NLGN1: variants seen among roughly 807,000 people sequenced by gnomAD.
NLGN1 encodes neuroligin 1.
In NLGN1, 12 loss-of-function variants were observed where a neutral mutation model predicts 65.5. The observed-to-expected ratio is 0.18, with a 90% CI of 0.12 to 0.30. The LOEUF is 0.30. Among genes scored for constraint, NLGN1 ranks in the 10% least tolerant of loss-of-function variants. The pLI is 1.00. For synonymous variants in NLGN1, 350 were observed against 359.5 expected (o/e 0.97, Z 0.30); for missense variants, 750 against 1,007.1 (o/e 0.74, Z 3.46).
At chr3:174,246,677 C>T (rs1743846508) in intron 4 of NLGN1, among the ~76,000 whole-genome samples, 1 of 152,178 alleles carries the variant, frequency 6.6e-6, no homozygotes, top group African/African-American at 2.4e-5. Flanking sequence ...CTTCAGCCTC[C>T]CAAAGCGTTG....
chr3:174,043,030 T>TGGCAGGAGAGAAAAATGAGTGCC (rs1376795794), intron 4 of NLGN1, among the ~76,000 whole-genome samples: 2 of 152,184 alleles, frequency 1.3e-5, no homozygotes, highest in African/African-American at 4.8e-5. Flanking sequence ...CGTCACAGGA[T>TGGCAGGAGAGAAAAATGAGTGCC]GGCAGGAGAG....
At chr3:174,103,764 T>C (rs2152584319) in intron 4 of NLGN1, among the ~76,000 whole-genome samples, 1 of 152,262 alleles carries the variant, frequency 6.6e-6, no homozygotes, top group Admixed American at 6.5e-5. Context: ...ATATAGTTTT[T>C]ACTGTATGAC....
At chr3:174,134,453 A>C (rs948103911) in intron 4 of NLGN1, among the ~76,000 whole-genome samples, 1 of 152,332 alleles carries the variant, frequency 6.6e-6, no homozygotes, top group Non-Finnish European at 1.5e-5. Context: ...AATTTAAATT[A>C]TATCTGCATT....
At chr3:174,161,681 G>T (rs192081149) in intron 4 of NLGN1, among the ~76,000 whole-genome samples, 1 of 152,020 alleles carries the variant, frequency 6.6e-6, no homozygotes, top group East Asian at 1.9e-4. Flanking sequence ...TCAACAGGAA[G>T]CAGGTAGCAA....
At chr3:173,932,355 G>A (rs765713988) in intron 4 of NLGN1, among the ~76,000 whole-genome samples, 3 of 151,868 alleles carry the variant, frequency 2.0e-5, no homozygotes, top group East Asian at 1.9e-4. Flanking sequence ...CTTTCATATC[G>A]TGTTATCACT....
intron 4 of NLGN1, among the ~76,000 whole-genome samples, chr3:173,985,026 A>G (rs1372822450): frequency 6.6e-6 from 1 of 152,154 alleles, no homozygotes; most frequent in East Asian, 1.9e-4. Flanking sequence ...TGGGCAATAG[A>G]GGGAGACTGT....
Position 173,433,715 on chromosome 3 carries a change from C to G in NLGN1, c.-389-1295C>G, listed in dbSNP as rs1577434228. ...ATTTATAAGCGACCAAGCTCTTGAT[C>G]ATTTTGCTCCCTCCTTATATCTATT... On this transcript the variant is annotated intron_variant, in intron 1 of 6. Coordinates refer to ENST00000457714, the Ensembl canonical transcript of NLGN1. 1.3e-5 allele frequency among the ~76,000 whole-genome samples: 2 copies of G among 152,046 alleles called. 1 individual carries two copies. The highest frequency in any genetic ancestry group is 4.1e-4 in the South Asian group (2 of 4,826).
intron 2 of NLGN1, among the ~76,000 whole-genome samples, chr3:173,449,493 A>T (rs1577530223): frequency 1.3e-5 from 2 of 152,268 alleles, no homozygotes; most frequent in South Asian, 4.1e-4. Flanking sequence ...CTATGTGGTC[A>T]ATTTTGTAAT....
chr3:174,194,786 T>TAAAAAAAAAA (rs548336247), intron 4 of NLGN1, among the ~76,000 whole-genome samples: 1 of 104,640 alleles, frequency 9.6e-6, no homozygotes, highest in African/African-American at 3.3e-5. Flanking sequence ...ACCTATTCAC[T>TAAAAAAAAAA]AAAAAAAAAA....
chr3:173,529,063 C>T (rs1367636116), intron 2 of NLGN1, among the ~76,000 whole-genome samples: 1 of 152,178 alleles, frequency 6.6e-6, no homozygotes, highest in African/African-American at 2.4e-5. Flanking sequence ...GGGAAGCTGA[C>T]ACTTCTTGCT....
intron 4 of NLGN1, among the ~76,000 whole-genome samples, chr3:174,240,738 G>A (rs1396547912): frequency 1.3e-5 from 2 of 152,112 alleles, no homozygotes; most frequent in Non-Finnish European, 2.9e-5. Context: ...AGAATATATA[G>A]CACCCCTGAA....
At chr3:174,069,540 G>A (rs1410751880) in intron 4 of NLGN1, among the ~76,000 whole-genome samples, 1 of 152,172 alleles carries the variant, frequency 6.6e-6, no homozygotes. Context: ...ATAAACCTAT[G>A]TTATCAAAAC....
At chr3:174,128,674 C>T (rs573786085) in intron 4 of NLGN1, among the ~76,000 whole-genome samples, 1 of 152,202 alleles carries the variant, frequency 6.6e-6, no homozygotes, top group East Asian at 1.9e-4. Flanking sequence ...GTGCTTTTAC[C>T]TTCTCAGTTG....
At position 173,770,487 on chromosome 3, in the gene NLGN1, G is replaced by A. The variant is rs1560333856; in HGVS notation, c.494-37193G>A. ...CATATGGATACTTAATTACTTTGTT[G>A]CTACCCCCTGATATTTTGCTTCTCT... is the stretch of plus-strand genomic sequence containing the variant. On this transcript the variant is annotated intron_variant, in intron 3 of 6. Coordinates refer to ENST00000457714, the Ensembl canonical transcript of NLGN1. Among the ~76,000 whole-genome samples, 15 of 152,200 alleles carry A rather than the reference G, an allele frequency of 9.9e-5. No homozygotes were observed. In the South Asian group the frequency reaches 3.1e-3, roughly 32 times the overall value.
intron 2 of NLGN1, among the ~76,000 whole-genome samples, chr3:173,435,740 C>T (rs517107): frequency 0.64 from 96,882 of 151,402 alleles, 31,485 homozygotes; most frequent in East Asian, 0.94. Flanking sequence ...GAGGCTGAGG[C>T]GGGAGAATTG....
chr3:173,444,895 A>G (rs932732405), intron 2 of NLGN1, among the ~76,000 whole-genome samples: 6 of 151,998 alleles, frequency 3.9e-5, no homozygotes, highest in Non-Finnish European at 7.4e-5. Context: ...GCCCTTTAAC[A>G]TTACAGAAAA....
chr3:173,600,664 C>G (rs1161828010), intron 2 of NLGN1, among the ~76,000 whole-genome samples: 1 of 137,554 alleles, frequency 7.3e-6, no homozygotes, highest in African/African-American at 2.6e-5. Flanking sequence ...AGGCCCTGCT[C>G]CCACATTCAT....
intron 1 of NLGN1, among the ~76,000 whole-genome samples, chr3:173,399,025 C>G (rs1242980722): frequency 6.6e-6 from 1 of 152,146 alleles, no homozygotes; most frequent in Admixed American, 6.5e-5. Flanking sequence ...TAGCAGAACA[C>G]AAGGTTTTTG....
chr3:174,033,074 A>G (rs1730378942), intron 4 of NLGN1, among the ~76,000 whole-genome samples: 1 of 152,114 alleles, frequency 6.6e-6, no homozygotes, highest in South Asian at 2.1e-4. Context: ...ACCTCGAGAC[A>G]GCCCACCAAA....
Sources: gnomAD v4.1 joint callset for allele counts (sites outside exome capture counted in the v4.1 genomes callset) on GRCh38, gnomAD v4.1.1 for gene constraint, MANE v1.5 for transcripts, NCBI Gene and HGNC (gene_info 2026-07-23, HGNC 2026-07-21) for gene names.